Variants in LTF observed in about 807,000 individuals in gnomAD.
LTF encodes the protein lactotransferrin, also known as epididymis luminal protein 110.
LTF carries 91 observed loss-of-function variants against 87.2 expected under a neutral mutation model. The ratio of observed to expected loss-of-function variants is 1.04; its 90% CI spans 0.88 to 1.24. The LOEUF (loss-of-function observed/expected upper bound fraction) is 1.24, where lower values mean the gene tolerates loss of function less well. Ranked by LOEUF, LTF falls within the 50% of genes most tolerant of loss-of-function variation. The pLI, the probability that LTF is intolerant of heterozygous loss-of-function variation, is 0.00. For missense variants in LTF, 901 were observed against 904.3 expected (o/e 1.00, Z 0.05); for synonymous variants, 378 against 356.1 (o/e 1.06, Z -0.69).
At chr3:46,483,832 G>C (rs1703482923) in intron 1 of LTF, among the ~76,000 whole-genome samples, 1 of 152,020 alleles carries the variant, frequency 6.6e-6, no homozygotes, top group Non-Finnish European at 1.5e-5. Flanking sequence ...ACGGAGACAG[G>C]GATCTTGCTA....
chr3:46,455,576 G>A, intron 4 of LTF, 134 bp from the exon 5 acceptor site: 2 of 1,215,692 alleles, frequency 1.6e-6, no homozygotes, highest in South Asian at 1.5e-5. Flanking sequence ...TCATGGGGCT[G>A]GGAGCTCGAG....
chr3:46,468,367 G>C (rs1210663352), upstream of LTF: 7 of 455,632 alleles, frequency 1.5e-5, no homozygotes, highest in Non-Finnish European at 3.1e-5. Context: ...ACAGTAACAT[G>C]AGTTTAAGGA....
intron 1 of LTF, among the ~76,000 whole-genome samples, chr3:46,471,663 C>A (rs368854548): frequency 3.3e-5 from 5 of 152,308 alleles, no homozygotes; most frequent in East Asian, 1.9e-4. Flanking sequence ...ATGGCCCCTA[C>A]CTCGCCCTGT....
chr3:46,455,484 C>T, intron 4 of LTF, 42 bp from the exon 5 acceptor site: 1 of 1,612,930 alleles, frequency 6.2e-7, no homozygotes, highest in African/African-American at 1.3e-5. Context: ...GTGAGCCAGC[C>T]CTGGTCACAG....
chr3:46,449,650 G>T (rs550806582), intron 8 of LTF, among the ~76,000 whole-genome samples: 2 of 152,244 alleles, frequency 1.3e-5, no homozygotes, highest in Non-Finnish European at 2.9e-5. Flanking sequence ...GGCCTGGGGA[G>T]CCTGACGTGC....
chr3:46,470,088 G>T (rs780111360), intron 2 of LTF, among the ~76,000 whole-genome samples: 2 of 152,212 alleles, frequency 1.3e-5, no homozygotes, highest in African/African-American at 4.8e-5. Context: ...TGGGCAAGGG[G>T]CAGTGGAATG....
intron 1 of LTF, among the ~76,000 whole-genome samples, chr3:46,479,133 A>T (rs75149215): frequency 6.6e-6 from 1 of 152,248 alleles, no homozygotes; most frequent in East Asian, 1.9e-4. Context: ...CAGAAGAAGC[A>T]TGGAGAACCA....
chr3:46,472,275 C>A (rs1209325016), intron 1 of LTF, among the ~76,000 whole-genome samples: 1 of 151,852 alleles, frequency 6.6e-6, no homozygotes. Context: ...ATGTGGCAGG[C>A]AAGCTACAGA....
At chr3:46,481,168 C>T (rs1196275353) in intron 1 of LTF, among the ~76,000 whole-genome samples, 7 of 152,214 alleles carry the variant, frequency 4.6e-5, no homozygotes, top group African/African-American at 1.7e-4. Context: ...CTCTTCCATC[C>T]TGCAACTCAC....
At position 46,456,323 on chromosome 3, in the gene LTF, G is replaced by C; in HGVS notation, c.283C>G (p.Pro95Ala). The C allele has an allele frequency of 6.2e-7, 1 of 1,614,168 alleles. No homozygotes were observed. Among genetic ancestry groups the C allele is most frequent in the Non-Finnish European group, 8.5e-7 (1 of 1,180,034 alleles). The change falls in exon 3 of 17, where the codon CCT becomes GCT. Residue 95 changes from proline (P) to alanine (A), a missense_variant. Coordinates refer to ENST00000231751, the MANE Select transcript of LTF (RefSeq NM_002343.6). ...GTCCCGTAGACTTCCGCCGCTACAG[G>C]TCGCAGTTTGTAGGGGGCCAGGCCT... ...EAGLAPYKLR[P>A]VAAEVYGTER...
chr3:46,468,743 A>G (rs918854069), upstream of LTF, among the ~76,000 whole-genome samples: 1 of 152,270 alleles, frequency 6.6e-6, no homozygotes, highest in Non-Finnish European at 1.5e-5. Flanking sequence ...ATAGCTTGGC[A>G]GATGGGAGAC....
chr3:46,448,538 C>T (rs993433643), intron 9 of LTF, among the ~76,000 whole-genome samples: 1 of 152,176 alleles, frequency 6.6e-6, no homozygotes, highest in African/African-American at 2.4e-5. Flanking sequence ...ATTAGCCAGA[C>T]TTTAACCATG....
chr3:46,436,654 G>A (rs900117756), intron 16 of LTF, among the ~76,000 whole-genome samples: 22 of 152,278 alleles, frequency 1.4e-4, no homozygotes, highest in Admixed American at 2.6e-4. Flanking sequence ...TAAGTGCTGG[G>A]GACACAGCAT....
intron 14 of LTF, among the ~76,000 whole-genome samples, chr3:46,440,234 A>G (rs868205940): frequency 6.6e-6 from 1 of 152,314 alleles, no homozygotes; most frequent in South Asian, 2.1e-4. Flanking sequence ...CCCTCCACCT[A>G]TGCCATATTT....
Position 46,452,295 on chromosome 3 carries a change from G to A in LTF, c.704-1622C>T, listed in dbSNP as rs1177075960. ...AAAACCATTAAGTAGCTAATAATTA[G>A]CCTCCCACAAAGACACATCAGACCC... is the stretch of plus-strand genomic sequence containing the variant. On this transcript the variant is annotated intron_variant, in intron 6 of 16. Transcript: ENST00000231751. Among the ~76,000 whole-genome samples the A allele has an allele frequency of 2.0e-5, 3 of 152,128 alleles. No homozygotes were observed. The South Asian group carries it at 6.3e-4, about 32-fold the overall frequency.
chr3:46,441,550 T>G, intron 13 of LTF, 67 bp from the exon 14 acceptor site: 1 of 1,142,274 alleles, frequency 8.8e-7, no homozygotes, highest in Non-Finnish European at 1.3e-6. Context: ...CATAAATATT[T>G]GTAATATGCA....
In LTF at chr3:46,456,081, C is replaced by T. The variant is rs142247504; in HGVS notation, c.317-103G>A. 2,326 of 1,137,390 alleles carry T rather than the reference C, an allele frequency of 2.0e-3. 38 individuals carry two copies. The African/African-American group carries it at 0.031, about 15-fold the overall frequency. 70.5% of individuals were successfully genotyped at this position (1,137,390 alleles called of 1,614,324 possible). ...GGTGGGAAGGGGGAATGCTGTGCTG[C>T]AGTTTCCTCACAGCTCACGTGTGTC... On this transcript the variant is annotated intron_variant, in intron 3 of 16. Coordinates refer to ENST00000231751, the MANE Select transcript of LTF (RefSeq NM_002343.6).
upstream of LTF, among the ~76,000 whole-genome samples, chr3:46,465,865 G>A (rs930945324): frequency 3.3e-5 from 5 of 152,236 alleles, no homozygotes; most frequent in African/African-American, 1.2e-4. Flanking sequence ...CTAGGGGAGT[G>A]TCACATACAG....
At chr3:46,475,423 T>A (rs1703347443) in intron 1 of LTF, among the ~76,000 whole-genome samples, 1 of 152,086 alleles carries the variant, frequency 6.6e-6, no homozygotes, top group South Asian at 2.1e-4. Flanking sequence ...GGCCCGTTTG[T>A]TAGCAAGAGA....
Sources: allele counts gnomAD v4.1 joint callset (sites outside exome capture counted in the v4.1 genomes callset), GRCh38; gene constraint gnomAD v4.1.1; transcripts MANE v1.5; gene names NCBI Gene and HGNC (gene_info 2026-07-23, HGNC 2026-07-21).